LTBP4: variants seen among roughly 807,000 people sequenced by gnomAD.
The protein encoded by LTBP4 is latent-transforming growth factor beta-binding protein 4.
In LTBP4, 93 loss-of-function variants were observed where a neutral mutation model predicts 180.2. That is an observed-to-expected ratio of 0.52 (90% CI 0.44 to 0.61). The LOEUF (loss-of-function observed/expected upper bound fraction) is 0.61, where lower values mean the gene tolerates loss of function less well. Ranked by LOEUF, LTBP4 falls within the 20% of genes least tolerant of loss-of-function variation. LTBP4 has a pLI of 0.00. For synonymous variants in LTBP4, 947 were observed against 934.5 expected (o/e 1.01, Z -0.24); for missense variants, 2,116 against 2,256.5 (o/e 0.94, Z 1.26).
chr19:40,597,459 G>A, upstream of LTBP4: 5 of 1,379,732 alleles, frequency 3.6e-6, no homozygotes, highest in Non-Finnish European at 4.7e-6. Flanking sequence ...CGGATTCAGG[G>A]GAAACTCGAA....
Position 40,622,661 on chromosome 19 carries a change from G to A in LTBP4, c.3478G>A (p.Glu1160Lys), listed in dbSNP as rs778595954. 2.0e-4 allele frequency: 318 copies of A among 1,600,600 alleles called. No homozygotes were observed. The Middle Eastern group carries it at 4.3e-3, about 22-fold the overall frequency. Reference sequence around the variant, plus strand: ...CCGCATCCAGCAGTGCCCGGGCACCGAGACAGGTGGGCATGGGCTGATGGG... The same window carrying A: ...CCGCATCCAGCAGTGCCCGGGCACCAAGACAGGTGGGCATGGGCTGATGGG... ...GCRIQQCPGTETAEYQSLCPH... is the reference protein window; with the variant it reads ...GCRIQQCPGTKTAEYQSLCPH... Residue 1160 changes from glutamate to lysine, a missense_variant, in exon 23 of 30, where the codon GAG becomes AAG. This residue lies in a region of LTBP4 where 278 missense variants were observed against 373.0 expected (regional missense o/e 0.75). Coordinates refer to ENST00000396819, the MANE Select transcript of LTBP4 (RefSeq NM_001042545.2). The surrounding 1 kb of genome is among the most constrained non-coding windows in gnomAD (Gnocchi z 5.1).
chr19:40,614,302 C>G lies in LTBP4; in HGVS notation c.2681-13C>G, dbSNP rs2081531267. On this transcript the variant is annotated splice_polypyrimidine_tract_variant and intron_variant, in intron 18 of 29. Coordinates refer to ENST00000396819, the MANE Select transcript of LTBP4 (RefSeq NM_001042545.2). ...CTGCTTCCCACATCCGACCACCCGA[C>G]CTCTCTCCTCAGACGTGGACGAATG... 1.3e-6 allele frequency: 2 copies of G among 1,592,408 alleles called. No individual in the cohort carries two copies. The highest frequency in any genetic ancestry group is 1.7e-6 in the Non-Finnish European group (2 of 1,173,986).
At chr19:40,599,067 G>GA, upstream of LTBP4, 3 of 831,384 alleles carry the variant, frequency 3.6e-6, no homozygotes, top group Non-Finnish European at 6.1e-6. Context: ...GTGGGGAGAA[G>GA]AACCTCGTTA....
chr19:40,603,414 G>A (rs1351585451), intron 1 of LTBP4, among the ~76,000 whole-genome samples: 1 of 152,146 alleles, frequency 6.6e-6, no homozygotes, highest in Non-Finnish European at 1.5e-5. Context: ...TGACTTCCAG[G>A]AATTCCACTT....
At chr19:40,612,326 T>G in intron 15 of LTBP4, 134 bp downstream of exon 15, 1 of 1,214,458 alleles carries the variant, frequency 8.2e-7, no homozygotes, top group Non-Finnish European at 1.1e-6. Context: ...CTGTGACTCC[T>G]GACCCTGACC....
At position 40,624,050 on chromosome 19, in the gene LTBP4, G is replaced by A. The variant is rs761675078; in HGVS notation, c.3800G>A (p.Arg1267His). 25 of 1,585,754 alleles carry A rather than the reference G, an allele frequency of 1.6e-5. No homozygotes were observed. Among genetic ancestry groups the A allele is most frequent in the Non-Finnish European group, 2.1e-5 (24 of 1,162,420 alleles). The stretch of plus-strand genomic sequence containing the variant: ...CCACTGGTGCTGGATGGCTCGCAGC[G>A]CCGCTGCGTCTCCAACGAGAGCCAG... ...EPPLVLDGSQ[R>H]RCVSNESQSL... is the part of the protein sequence containing the mutation. Residue 1267 changes from arginine (R) to histidine (H), a missense_variant, in exon 26 of 30, where the codon CGC becomes CAC. Transcript: ENST00000396819.
chr19:40,601,413 G>T lies in LTBP4; in HGVS notation c.26G>T (p.Trp9Leu). The change falls in exon 1 of 30, where the codon TGG (tryptophan) becomes TTG (leucine). Residue 9 changes from tryptophan to leucine, a missense_variant. By Grantham distance (61) the Trp-to-Leu change is moderately conservative. This residue lies in a region of LTBP4 where 469 missense variants were observed against 532.5 expected (regional missense o/e 0.88). Transcript: ENST00000396819. Reference sequence around the variant, plus strand: ...ATGGCGGGCGGCGTGCGGCTGCTCTGGGTGTCGCTATTGGTGCTGCTGGCG... The same window carrying T: ...ATGGCGGGCGGCGTGCGGCTGCTCTTGGTGTCGCTATTGGTGCTGCTGGCG... MAGGVRLL[W>L]VSLLVLLAQL... The T allele has an allele frequency of 1.4e-6, 2 of 1,403,612 alleles. No individual in the cohort carries two copies. The highest frequency in any genetic ancestry group is 9.3e-7 in the Non-Finnish European group (1 of 1,074,198). The allele number at this position is 1,403,612 out of a possible 1,614,324, so 86.9% of individuals were successfully genotyped here.
Position 40,622,050 on chromosome 19 carries a change from CAA to C in LTBP4, c.3218-349_3218-348del, listed in dbSNP as rs1462690159. Among the ~76,000 whole-genome samples, 3 of 152,120 alleles carry C rather than the reference CAA, an allele frequency of 2.0e-5. No individual in the cohort carries two copies. Among genetic ancestry groups the C allele is most frequent in the African/African-American group, 7.2e-5 (3 of 41,412 alleles). ...AGGCAGGAGCCACTGCACCTGGCGA[CAA>C]ATTGTAGGTTTTGAGATGAAGACTC... On this transcript the variant is annotated intron_variant, in intron 22 of 29. Transcript: ENST00000396819. This position sits in a 1 kb window ranked among gnomAD's most constrained non-coding sequence, Gnocchi z 5.1.
chr19:40,626,005 C>T lies in LTBP4; in HGVS notation c.3981C>T (p.Asp1327=). The T allele has an allele frequency of 6.2e-7, 1 of 1,600,436 alleles. No homozygotes were observed. Among genetic ancestry groups the T allele is most frequent in the Non-Finnish European group, 8.5e-7 (1 of 1,174,670 alleles). Residue 1327 remains aspartate, a synonymous_variant, in exon 27 of 30, where the codon GAC becomes GAT. Transcript: ENST00000396819. ...ACTGCGCCCTCTGCCCTGCGCAGGA[C>T]TCAGGTGCTGGCACTGGCCTAGGCT... ...GMDCALCPAQ[D]SDDFEALCNV... is the part of the protein sequence containing the mutation.
At chr19:40,610,150 C>A in intron 11 of LTBP4, 1 of 503,594 alleles carries the variant, frequency 2.0e-6, no homozygotes, top group East Asian at 3.2e-5. Flanking sequence ...CCCTTATTGG[C>A]CACGCCCCTC....
chr19:40,625,967 G>T lies in LTBP4; in HGVS notation c.3943G>T (p.Ala1315Ser), dbSNP rs373876448. Residue 1315 changes from alanine to serine, a missense_variant, in exon 27 of 30, where the codon GCC becomes TCC. Ala to Ser is a moderately conservative substitution (Grantham distance 99, BLOSUM62 1). Coordinates refer to ENST00000396819, the MANE Select transcript of LTBP4 (RefSeq NM_001042545.2). ...AGAGTGCTGCTGCCTGTATGGAGAG[G>T]CCTGGGGCATGGACTGCGCCCTCTG... is the stretch of plus-strand genomic sequence containing the variant. The part of the protein sequence containing the change: ...YTECCCLYGE[A>S]WGMDCALCPA... The T allele has an allele frequency of 3.5e-5, 57 of 1,608,704 alleles. No homozygotes were observed. The highest frequency in any genetic ancestry group is 4.7e-5 in the Non-Finnish European group (55 of 1,177,906).
In LTBP4 at chr19:40,608,273, G is replaced by C; in HGVS notation, c.1210G>C (p.Asp404His). Residue 404 changes from aspartate (D) to histidine (H), a missense_variant, in exon 8 of 30, where the codon GAC becomes CAC. Physicochemically the swap from Asp to His is moderately conservative, Grantham distance 81. This residue lies in a region of LTBP4 where 877 missense variants were observed against 873.6 expected (regional missense o/e 1.00). Coordinates refer to ENST00000396819, the MANE Select transcript of LTBP4 (RefSeq NM_001042545.2). Reference protein sequence around the residue: ...AGPGYHYSASDLRYNTRPLGQ... With the variant: ...AGPGYHYSASHLRYNTRPLGQ... ...TCCTGGTTACCACTACTCGGCCTCC[G>C]ACCTCCGCTACAACACCAGACCCCT... The C allele has an allele frequency of 6.2e-7, 1 of 1,613,822 alleles. No homozygotes were observed. Among genetic ancestry groups the C allele is most frequent in the Non-Finnish European group, 8.5e-7 (1 of 1,179,856 alleles).
chr19:40,606,348 C>T (rs1476914440), intron 5 of LTBP4, 41 bp downstream of exon 5: 1 of 1,601,728 alleles, frequency 6.2e-7, no homozygotes. Context: ...GTTCTGGGGG[C>T]GGGATTTGCA....
chr19:40,593,316 C>A (rs2081375819), intron 1 of LTBP4: 2 of 970,304 alleles, frequency 2.1e-6, no homozygotes, highest in Non-Finnish European at 3.2e-6. Context: ...AATCATGGCT[C>A]ACTGCAGCCT....
At position 40,614,223 on chromosome 19, in the gene LTBP4, G is replaced by A. The variant is rs2081530471; in HGVS notation, c.2681-92G>A. On this transcript the variant is annotated intron_variant, in intron 18 of 29. Coordinates refer to ENST00000396819, the MANE Select transcript of LTBP4 (RefSeq NM_001042545.2). ...CTCCTGCCCTCTCCTCTGCTTCCCC[G>A]GCCTCCCCCTTCTGACTCTCCTCTC... 2.1e-6 allele frequency: 3 copies of A among 1,416,092 alleles called. No individual in the cohort carries two copies. The South Asian group carries it at 3.7e-5, about 17-fold the overall frequency. The allele number at this position is 1,416,092 out of a possible 1,614,324, so 87.7% of individuals were successfully genotyped here. A position where few individuals can be genotyped will look rare whatever the true frequency, so the allele number is the denominator to read the frequency against.
chr19:40,594,260 G>A (rs927086436), intron 1 of LTBP4, among the ~76,000 whole-genome samples: 1 of 151,862 alleles, frequency 6.6e-6, no homozygotes, highest in Non-Finnish European at 1.5e-5. Flanking sequence ...AGGGCATGGG[G>A]GGAGGGGTGG....
At chr19:40,627,595 G>T in intron 28 of LTBP4, 110 bp from the exon 29 acceptor site, 1 of 1,432,946 alleles carries the variant, frequency 7.0e-7, no homozygotes, top group East Asian at 2.5e-5. Context: ...CCCTGGAGCG[G>T]GATGGACAGT....
chr19:40,613,592 G>T lies in LTBP4; in HGVS notation c.2557+63G>T, dbSNP rs370394806. On this transcript the variant is annotated intron_variant, in intron 17 of 29. Coordinates refer to ENST00000396819, the MANE Select transcript of LTBP4 (RefSeq NM_001042545.2). The surrounding 1 kb of genome is among the most constrained non-coding windows in gnomAD (Gnocchi z 5.0). ...GGCTTAGGGCAGGAAAAGGCGGGACGGGGAGAAGAGGGCGAAAAGGGGAAA... is the reference window on the plus strand; with the variant it reads ...GGCTTAGGGCAGGAAAAGGCGGGACTGGGAGAAGAGGGCGAAAAGGGGAAA... 13 of 1,541,454 alleles carry T rather than the reference G, an allele frequency of 8.4e-6. 1 individual carries two copies. In the African/African-American group the frequency reaches 1.4e-4, roughly 16 times the overall value.
At chr19:40,597,302 C>A, upstream of LTBP4, 1 of 1,525,662 alleles carries the variant, frequency 6.6e-7, no homozygotes, top group Non-Finnish European at 8.8e-7. Flanking sequence ...CTCTTCGCAG[C>A]CGCCACCTCC....
Sources: allele counts gnomAD v4.1 joint callset (sites outside exome capture counted in the v4.1 genomes callset), GRCh38; gene constraint gnomAD v4.1.1; regional missense constraint gnomAD v4.1.1; non-coding constraint Gnocchi (gnomAD v3.1); transcripts MANE v1.5; gene names NCBI Gene and HGNC (gene_info 2026-07-23, HGNC 2026-07-21).